Variants in PSAP observed in about 807,000 individuals in gnomAD.
The protein encoded by PSAP is prosaposin.
In PSAP, 25 loss-of-function variants were observed where a neutral mutation model predicts 66.0. That is an observed-to-expected ratio of 0.38 (90% CI 0.28 to 0.53). PSAP has a LOEUF of 0.53. Among genes scored for constraint, PSAP ranks in the 20% least tolerant of loss-of-function variants. The pLI is 0.83. For missense variants in PSAP, 649 were observed against 668.8 expected (o/e 0.97, Z 0.33); for synonymous variants, 273 against 258.9 (o/e 1.05, Z -0.52).
At chr10:71,828,783 A>G (rs549460884) in intron 5 of PSAP, 94 bp downstream of exon 5, 6 of 1,383,460 alleles carry the variant, frequency 4.3e-6, no homozygotes, top group African/African-American at 2.9e-5. Context: ...GATAAGCCCC[A>G]GTTTAAGAAC....
intron 1 of PSAP, among the ~76,000 whole-genome samples, chr10:71,849,270 A>G (rs1367853258): frequency 6.6e-6 from 1 of 152,246 alleles, no homozygotes; most frequent in Non-Finnish European, 1.5e-5. Flanking sequence ...AAACAAATTT[A>G]AGAGCTTCGT....
chr10:71,834,226 G>T, intron 2 of PSAP, 146 bp downstream of exon 2: 1 of 1,330,508 alleles, frequency 7.5e-7, no homozygotes, highest in Non-Finnish European at 1.0e-6. Context: ...TCACCAATAG[G>T]TCCTGCCTCC....
In PSAP at chr10:71,818,926, C is replaced by T. The variant is rs558653036; in HGVS notation, c.1431+105G>A. On this transcript the variant is annotated intron_variant, in intron 12 of 13. Transcript: ENST00000394936. Reference sequence around the variant, plus strand: ...TTCTTGGCTCTCCCGCAGCAGAACCCAGAGACTCCACCCCACGGCCAAGTC... The same window carrying T: ...TTCTTGGCTCTCCCGCAGCAGAACCTAGAGACTCCACCCCACGGCCAAGTC... 351 of 1,206,500 alleles carry T rather than the reference C, an allele frequency of 2.9e-4. No homozygotes were observed. In the African/African-American group the frequency reaches 4.7e-3, roughly 16 times the overall value. 74.7% of individuals were successfully genotyped at this position (1,206,500 alleles called of 1,614,324 possible).
intron 1 of PSAP, among the ~76,000 whole-genome samples, chr10:71,848,082 TC>T (rs961038709): frequency 5.3e-5 from 8 of 152,274 alleles, no homozygotes; most frequent in Non-Finnish European, 7.4e-5. Context: ...ACCAGAGGAC[TC>T]ACCTAACAGC....
chr10:71,843,416 GAA>G (rs958156726), intron 1 of PSAP, among the ~76,000 whole-genome samples: 4 of 151,498 alleles, frequency 2.6e-5, no homozygotes, highest in African/African-American at 9.8e-5. Flanking sequence ...ATCAATGCCT[GAA>G]AAAGAGACTT....
At chr10:71,848,586 T>G (rs1842866809) in intron 1 of PSAP, among the ~76,000 whole-genome samples, 1 of 152,148 alleles carries the variant, frequency 6.6e-6, no homozygotes, top group Non-Finnish European at 1.5e-5. Flanking sequence ...CAAAAGCAAG[T>G]GTCTCTACCA....
At chr10:71,822,976 A>G (rs889309153) in intron 7 of PSAP, among the ~76,000 whole-genome samples, 2 of 151,580 alleles carry the variant, frequency 1.3e-5, no homozygotes, top group Non-Finnish European at 2.9e-5. Flanking sequence ...TAAATAAATA[A>G]TAAGAACGCA....
intron 2 of PSAP, among the ~76,000 whole-genome samples, chr10:71,832,851 T>A (rs1193114676): frequency 6.6e-6 from 1 of 151,526 alleles, no homozygotes; most frequent in African/African-American, 2.4e-5. Context: ...ACCCCATCTC[T>A]ACTAAAAATA....
In PSAP at chr10:71,819,870, A is replaced by C; in HGVS notation, c.1036T>G (p.Cys346Gly). Residue 346 changes from cysteine (C) to glycine (G), a missense_variant, in exon 10 of 14, where the codon TGC becomes GGC. Physicochemically the swap from Cys to Gly is radical, Grantham distance 159 (BLOSUM62 -3). Transcript: ENST00000394936. ...GACAGGGACTTCGGCAGCTTCGAGC[A>C]CATTTTGTCAAAAGCGTCGAGTATT... ...KEILDAFDKM[C>G]SKLPKSLSEE... 4 of 1,614,156 alleles carry C rather than the reference A, an allele frequency of 2.5e-6. No individual in the cohort carries two copies. Among genetic ancestry groups the C allele is most frequent in the Non-Finnish European group, 3.4e-6 (4 of 1,180,026 alleles).
chr10:71,835,054 G>GCA (rs1842594450), intron 1 of PSAP, among the ~76,000 whole-genome samples: 1 of 151,844 alleles, frequency 6.6e-6, no homozygotes, highest in Admixed American at 6.6e-5. Flanking sequence ...GGCTAACACA[G>GCA]TGAAACCCCA....
In PSAP at chr10:71,821,885, C is replaced by T. The variant is rs1433523633; in HGVS notation, c.900G>A (p.Glu300=). 6.2e-7 allele frequency: 1 copy of T among 1,614,202 alleles called. No individual in the cohort carries two copies. The highest frequency in any genetic ancestry group is 8.5e-7 in the Non-Finnish European group (1 of 1,180,026). ...AAGTGACACCAGGTACCTTAATGGG[C>T]TCCACCAGTTCCAGGGCAGGGATGA... is the stretch of plus-strand genomic sequence containing the variant. ...KNVIPALELV[E]PIKKHEVPAK... Residue 300 remains glutamate, a synonymous_variant, in exon 8 of 14, where the codon GAG becomes GAA. Coordinates refer to ENST00000394936, the MANE Select transcript of PSAP (RefSeq NM_002778.4).
chr10:71,823,984 G>A (rs1308970882), intron 7 of PSAP: 2 of 1,043,472 alleles, frequency 1.9e-6, no homozygotes, highest in Non-Finnish European at 2.6e-6. Context: ...CAACAATCAA[G>A]CAGTTAACCA....
At chr10:71,824,351 G>C (rs1842360445) in intron 7 of PSAP, among the ~76,000 whole-genome samples, 1 of 152,196 alleles carries the variant, frequency 6.6e-6, no homozygotes, top group South Asian at 2.1e-4. Context: ...GATCCCTGAG[G>C]GGTAAGGGAT....
At chr10:71,831,696 C>G in intron 3 of PSAP, 150 bp downstream of exon 3, 1 of 811,140 alleles carries the variant, frequency 1.2e-6, no homozygotes, top group East Asian at 2.4e-5. Context: ...CTCATATACC[C>G]TAAAATCTTT....
intron 12 of PSAP, 45 bp from the exon 13 acceptor site, chr10:71,818,769 T>C: frequency 6.7e-7 from 1 of 1,484,594 alleles, no homozygotes; most frequent in Non-Finnish European, 9.4e-7. Flanking sequence ...GAATGAGAGC[T>C]GCCCGATGTA....
chr10:71,847,781 A>T (rs1176896438), intron 1 of PSAP, among the ~76,000 whole-genome samples: 1 of 152,232 alleles, frequency 6.6e-6, no homozygotes, highest in Admixed American at 6.5e-5. Context: ...CTGATTTACT[A>T]TTAATAAACA....
At chr10:71,840,284 G>A (rs1054493937) in intron 1 of PSAP, among the ~76,000 whole-genome samples, 29 of 152,118 alleles carry the variant, frequency 1.9e-4, no homozygotes, top group African/African-American at 5.6e-4. Context: ...TGGGTAAGGC[G>A]GCACCATGGC....
intron 1 of PSAP, among the ~76,000 whole-genome samples, chr10:71,849,554 C>CT (rs1462730959): frequency 6.6e-6 from 1 of 152,038 alleles, no homozygotes; most frequent in Admixed American, 6.5e-5. Flanking sequence ...TTAGCCGAGA[C>CT]TACGCCATTG....
rs140174640 is a variant in PSAP at position 71,823,518 on chromosome 10, A to G, written c.778-1511T>C. ...GGTGCCCTGGGGAAGCCAGACCTAC[A>G]CTGGACTTCCTAACTGGCCTACGTT... On this transcript the variant is annotated intron_variant, in intron 7 of 13. Transcript: ENST00000394936. Among the ~76,000 whole-genome samples the G allele has an allele frequency of 2.4e-3, 366 of 152,310 alleles. 3 individuals are homozygous for G. Among genetic ancestry groups the G allele is most frequent in the African/African-American group, 8.7e-3 (361 of 41,580 alleles).
Sources: allele counts gnomAD v4.1 joint callset (sites outside exome capture counted in the v4.1 genomes callset), GRCh38; gene constraint gnomAD v4.1.1; transcripts MANE v1.5; gene names NCBI Gene and HGNC (gene_info 2026-07-23, HGNC 2026-07-21).